Variants in HEATR3 observed in about 807,000 individuals in gnomAD.
HEATR3 encodes HEAT repeat containing 3.
A neutral mutation model predicts 72.8 loss-of-function variants in HEATR3; 56 were observed. The observed-to-expected ratio is 0.77, with a 90% CI of 0.62 to 0.96. The LOEUF (loss-of-function observed/expected upper bound fraction) is 0.96. Ranked by LOEUF, HEATR3 falls within the 40% of genes least tolerant of loss-of-function variation. The pLI, the probability that HEATR3 is intolerant of heterozygous loss-of-function variation, is 0.00. For synonymous variants in HEATR3, 331 were observed against 318.1 expected (o/e 1.04, Z -0.43); for missense variants, 747 against 831.4 (o/e 0.90, Z 1.25).
chr16:50,096,171 A>C (rs754802388), intron 12 of HEATR3, among the ~76,000 whole-genome samples: 3 of 151,972 alleles, frequency 2.0e-5, no homozygotes. Context: ...CTAAAAATAC[A>C]AAAGTTAGCT....
chr16:50,090,596 C>T lies in HEATR3; in HGVS notation c.1511-4109C>T, dbSNP rs117558667. 4.2e-4 allele frequency among the ~76,000 whole-genome samples: 64 copies of T among 152,284 alleles called. No individual in the cohort carries two copies. In the East Asian group the frequency reaches 0.012, roughly 27 times the overall value. On this transcript the variant is annotated intron_variant, in intron 11 of 14. Transcript: ENST00000299192. ...ACATTTTAGTACAATCTGGTCCTTA[C>T]ATTCAAAAGCACTAATTTCTTTGTC...
chr16:50,096,555 T>C (rs2037242776), intron 12 of HEATR3, among the ~76,000 whole-genome samples: 1 of 152,116 alleles, frequency 6.6e-6, no homozygotes, highest in Non-Finnish European at 1.5e-5. Flanking sequence ...TCCCAGCACT[T>C]TGGGAGGCCA....
chr16:50,093,039 A>G (rs1279887651), intron 11 of HEATR3, among the ~76,000 whole-genome samples: 1 of 152,216 alleles, frequency 6.6e-6, no homozygotes, highest in Admixed American at 6.5e-5. Context: ...GCAGCTCTCT[A>G]TCCTAGGGCT....
intron 7 of HEATR3, among the ~76,000 whole-genome samples, chr16:50,082,804 T>C (rs1323294675): frequency 2.6e-5 from 4 of 151,748 alleles, no homozygotes; most frequent in Admixed American, 2.6e-4. Flanking sequence ...TTTCTTTTTC[T>C]TTTTTTCTTT....
At chr16:50,077,359 TC>T (rs2036759204) in intron 6 of HEATR3, among the ~76,000 whole-genome samples, 1 of 150,326 alleles carries the variant, frequency 6.7e-6, no homozygotes, top group Non-Finnish European at 1.5e-5. Flanking sequence ...CTCACCATGT[TC>T]CCTAGGCTGG....
intron 5 of HEATR3, chr16:50,072,934 G>A: frequency 2.2e-6 from 1 of 463,870 alleles, no homozygotes; most frequent in Non-Finnish European, 3.8e-6. Flanking sequence ...AAGGGAGAAA[G>A]GTAATTATGT....
At chr16:50,077,153 C>T (rs1205876418) in intron 6 of HEATR3, among the ~76,000 whole-genome samples, 1 of 151,928 alleles carries the variant, frequency 6.6e-6, no homozygotes, top group African/African-American at 2.4e-5. Context: ...GGATCACAGG[C>T]GTGAGCCACC....
chr16:50,092,808 A>T (rs1459552757), intron 11 of HEATR3, among the ~76,000 whole-genome samples: 1 of 152,170 alleles, frequency 6.6e-6, no homozygotes, highest in East Asian at 1.9e-4. Flanking sequence ...GATGGTAGGG[A>T]TGCAGGCGTG....
intron 11 of HEATR3, among the ~76,000 whole-genome samples, chr16:50,092,568 C>T (rs58768352): frequency 0.012 from 1,768 of 151,074 alleles, 37 homozygotes; most frequent in African/African-American, 0.041. Context: ...TCCTTAGTAG[C>T]TGGGACTACA....
In HEATR3 at chr16:50,066,227, AGGCGAGGAGGACGACGGGCCGGC is replaced by A. The variant is rs758172698; in HGVS notation, c.101_123del (p.Glu34GlyfsTer72). 6.4e-7 allele frequency: 1 copy of A among 1,572,628 alleles called. No homozygotes were observed. Among genetic ancestry groups the A allele is most frequent in the Non-Finnish European group, 8.6e-7 (1 of 1,161,110 alleles). On this transcript the variant is annotated frameshift_variant, in exon 1 of 15. Transcript: ENST00000299192. LOFTEE classifies it high-confidence loss of function. ...CGGCTGCGGCGGCGAATGGGACCGG[AGGCGAGGAGGACGACGGGCCGGC>A]GGCGGAGCTGCTGGAAAAGGTGAGG...
intron 14 of HEATR3, 147 bp from the exon 15 acceptor site, chr16:50,104,792 T>C: frequency 1.7e-6 from 1 of 602,950 alleles, no homozygotes; most frequent in East Asian, 3.2e-5. Flanking sequence ...CGAGTTCCAT[T>C]TACCTTGGAA....
intron 12 of HEATR3, among the ~76,000 whole-genome samples, chr16:50,098,658 AAAT>A (rs990900959): frequency 2.0e-5 from 3 of 151,864 alleles, no homozygotes; most frequent in South Asian, 2.1e-4. Flanking sequence ...TCCGTTTCAA[AAAT>A]AATAATAATA....
intron 2 of HEATR3, among the ~76,000 whole-genome samples, chr16:50,067,837 A>G (rs1338863375): frequency 6.6e-6 from 1 of 152,188 alleles, no homozygotes; most frequent in Non-Finnish European, 1.5e-5. Flanking sequence ...GGCATGGGGT[A>G]ATGAGCAAGG....
At chr16:50,066,744 T>G in intron 2 of HEATR3, 1 of 446,288 alleles carries the variant, frequency 2.2e-6, no homozygotes, top group Non-Finnish European at 3.7e-6. Context: ...CTGCTTCACC[T>G]GCAGCGTCCA....
chr16:50,084,676 AC>A, intron 10 of HEATR3, 25 bp downstream of exon 10: 1 of 1,486,840 alleles, frequency 6.7e-7, no homozygotes, highest in Non-Finnish European at 9.3e-7. Flanking sequence ...GCTTTCAAAA[AC>A]ATTTGTCATT....
At chr16:50,073,611 T>C (rs1333563527) in intron 5 of HEATR3, 1 of 152,238 alleles carries the variant, frequency 6.6e-6, no homozygotes, top group African/African-American at 2.4e-5. Flanking sequence ...ATGGGGATTT[T>C]AAAAACGATT....
chr16:50,071,543 G>A (rs951993170), intron 4 of HEATR3, among the ~76,000 whole-genome samples: 2 of 152,120 alleles, frequency 1.3e-5, no homozygotes, highest in South Asian at 4.1e-4. Flanking sequence ...TCTCTTTTCT[G>A]AATACCTATG....
intron 7 of HEATR3, 64 bp downstream of exon 7, chr16:50,079,082 C>T: frequency 6.7e-7 from 1 of 1,488,154 alleles, no homozygotes; most frequent in Non-Finnish European, 9.0e-7. Context: ...CAGCAGTTAT[C>T]CTTGGCTTTG....
chr16:50,072,691 A>C lies in HEATR3; in HGVS notation c.599A>C (p.Asn200Thr). The change falls in exon 5 of 15, where the codon AAT becomes ACT. Residue 200 changes from asparagine to threonine, a missense_variant. By Grantham distance (65) the Asn-to-Thr change is moderately conservative. This residue lies in a region of HEATR3 where 586 missense variants were observed against 708.8 expected (regional missense o/e 0.83). Coordinates refer to ENST00000299192, the MANE Select transcript of HEATR3 (RefSeq NM_182922.4). The stretch of plus-strand genomic sequence containing the variant: ...AAGTATTTAAGTAGGTTTCCTACCA[A>C]TGTTGACCTGGCTATTTCAGTAGGT... ...VLKYLSRFPT[N>T]VDLAISVAYC... The C allele has an allele frequency of 1.3e-6, 2 of 1,596,010 alleles. No individual in the cohort carries two copies. Among genetic ancestry groups the C allele is most frequent in the Non-Finnish European group, 1.7e-6 (2 of 1,163,342 alleles).
Sources: allele counts gnomAD v4.1 joint callset (sites outside exome capture counted in the v4.1 genomes callset), GRCh38; gene constraint gnomAD v4.1.1; regional missense constraint gnomAD v4.1.1; transcripts MANE v1.5; gene names NCBI Gene and HGNC (gene_info 2026-07-23, HGNC 2026-07-21).